SLC27A6: variants seen among roughly 807,000 people sequenced by gnomAD.
The protein encoded by SLC27A6 is long-chain fatty acid transport protein 6.
A neutral mutation model predicts 63.9 loss-of-function variants in SLC27A6; 74 were observed. That is an observed-to-expected ratio of 1.16 (90% CI 0.96 to 1.40). The LOEUF is 1.40. Among genes scored for constraint, SLC27A6 ranks in the 40% most tolerant of loss-of-function variants. The pLI is 0.00. For synonymous variants in SLC27A6, 287 were observed against 260.8 expected (o/e 1.10, Z -0.97); for missense variants, 794 against 732.9 (o/e 1.08, Z -0.96).
chr5:128,971,054 G>A (rs532435950), intron 1 of SLC27A6, among the ~76,000 whole-genome samples: 26 of 152,162 alleles, frequency 1.7e-4, no homozygotes, highest in Non-Finnish European at 3.5e-4. Context: ...CAGTTTCCAT[G>A]TAGTTGTGCG....
intron 5 of SLC27A6, among the ~76,000 whole-genome samples, chr5:129,021,772 C>G (rs1451728181): frequency 6.6e-6 from 1 of 152,162 alleles, no homozygotes; most frequent in Non-Finnish European, 1.5e-5. Flanking sequence ...CTCCAGAGTA[C>G]TTCTAGAAAA....
intron 5 of SLC27A6, among the ~76,000 whole-genome samples, chr5:129,020,819 T>C (rs1752050186): frequency 6.6e-6 from 1 of 152,048 alleles, no homozygotes; most frequent in Admixed American, 6.6e-5. Flanking sequence ...AAAACTCAGC[T>C]TATTACAGCT....
At chr5:128,993,457 A>G (rs1005190194) in intron 4 of SLC27A6, among the ~76,000 whole-genome samples, 5 of 34,856 alleles carry the variant, frequency 1.4e-4, no homozygotes, top group Admixed American at 5.9e-4. Flanking sequence ...TTTATAGACT[A>G]GAAACAAACA....
intron 1 of SLC27A6, among the ~76,000 whole-genome samples, chr5:128,982,270 T>A (rs1750621854): frequency 6.6e-6 from 1 of 152,238 alleles, no homozygotes; most frequent in South Asian, 2.1e-4. Flanking sequence ...TACACTAAAT[T>A]CTATTTGAGA....
At chr5:129,019,354 A>G (rs1448501940) in intron 5 of SLC27A6, among the ~76,000 whole-genome samples, 1 of 152,060 alleles carries the variant, frequency 6.6e-6, no homozygotes, top group Non-Finnish European at 1.5e-5. Flanking sequence ...TAAAGCTTGA[A>G]AAAAGGGAGA....
intron 4 of SLC27A6, among the ~76,000 whole-genome samples, chr5:128,991,016 C>T (rs1013695346): frequency 6.6e-6 from 1 of 152,172 alleles, no homozygotes; most frequent in Non-Finnish European, 1.5e-5. Context: ...GAAGAGTATG[C>T]AGTTGCAAGA....
intron 4 of SLC27A6, among the ~76,000 whole-genome samples, chr5:129,008,314 A>T (rs1190408065): frequency 6.6e-6 from 1 of 152,204 alleles, no homozygotes; most frequent in Non-Finnish European, 1.5e-5. Flanking sequence ...ATCCTAGTTT[A>T]GAAAATGTGA....
chr5:129,027,557 C>T (rs1213170702), intron 7 of SLC27A6, among the ~76,000 whole-genome samples: 1 of 152,046 alleles, frequency 6.6e-6, no homozygotes, highest in East Asian at 1.9e-4. Flanking sequence ...TAGAACAAAT[C>T]AGTGAGCTCC....
intron 4 of SLC27A6, among the ~76,000 whole-genome samples, chr5:128,995,546 T>C (rs148258522): frequency 4.6e-4 from 70 of 152,200 alleles, no homozygotes; most frequent in African/African-American, 1.7e-3. Flanking sequence ...GAGTAGGACA[T>C]TGCTAATTAG....
At chr5:128,987,129 C>G (rs1750816612) in intron 2 of SLC27A6, among the ~76,000 whole-genome samples, 1 of 151,880 alleles carries the variant, frequency 6.6e-6, no homozygotes, top group Non-Finnish European at 1.5e-5. Flanking sequence ...AGTCTCCCTC[C>G]CTATAAATAT....
At position 128,985,111 on chromosome 5, in the gene SLC27A6, T is replaced by G. The variant is rs1185253560; in HGVS notation, c.482-22T>G. ...TTGAGATTTAAGGTTTGCTTAACTC[T>G]TCCCAACCCTTTGGCTTTTAGATTT... On this transcript the variant is annotated intron_variant, in intron 1 of 9. Transcript: ENST00000262462. 7 of 1,594,186 alleles carry G rather than the reference T, an allele frequency of 4.4e-6. No individual in the cohort carries two copies. The Admixed American group carries it at 1.2e-4, about 27-fold the overall frequency.
rs1752182630 is a variant in SLC27A6, at chr5:129,024,810, CTT to C, written c.1255+1103_1255+1104del. Among the ~76,000 whole-genome samples, 3 of 152,200 alleles carry C rather than the reference CTT, an allele frequency of 2.0e-5. No individual in the cohort carries two copies. In the South Asian group the frequency reaches 6.2e-4, roughly 32 times the overall value. On this transcript the variant is annotated intron_variant, in intron 6 of 9. Transcript: ENST00000262462. Reference sequence around the variant, plus strand: ...GCATTTCAGAAGTGGCTTCCTAAATCTTTTCTTCAAATGTGAAGATAAGGTGA... The same window carrying C: ...GCATTTCAGAAGTGGCTTCCTAAATCTTCTTCAAATGTGAAGATAAGGTGA...
Position 129,016,521 on chromosome 5 carries a change from T to G in SLC27A6, c.1164+442T>G, listed in dbSNP as rs1389990235. Among the ~76,000 whole-genome samples, 3 of 147,826 alleles carry G rather than the reference T, an allele frequency of 2.0e-5. No homozygotes were observed. In the East Asian group the frequency reaches 6.0e-4, roughly 30 times the overall value. The stretch of plus-strand genomic sequence containing the variant: ...TTTTTAAGTTGAGAATTTCTAGAAA[T>G]AGAGTAGTGGCCTCAGTGTGAGAGA... On this transcript the variant is annotated intron_variant, in intron 5 of 9. Transcript: ENST00000262462.
chr5:129,033,581 A>G lies in SLC27A6; in HGVS notation c.*299A>G, dbSNP rs1752477448. On this transcript the variant is annotated 3_prime_UTR_variant, in exon 10 of 10. Coordinates refer to ENST00000262462, the MANE Select transcript of SLC27A6 (RefSeq NM_001017372.3). ...CGGTTTGGACAATCACTAAAAATGT[A>G]CTTTCTAATAAGTAAAATTTCTAAT... 6.3e-6 allele frequency: 1 copy of G among 159,962 alleles called. No homozygotes were observed. The highest frequency in any genetic ancestry group is 2.0e-4 in the South Asian group (1 of 4,938). 9.9% of individuals were successfully genotyped at this position (159,962 alleles called of 1,614,324 possible). A position where few individuals can be genotyped will look rare whatever the true frequency, so the allele number is the denominator to read the frequency against.
At chr5:128,979,785 A>G (rs1446508053) in intron 1 of SLC27A6, among the ~76,000 whole-genome samples, 1 of 152,244 alleles carries the variant, frequency 6.6e-6, no homozygotes, top group Admixed American at 6.5e-5. Flanking sequence ...TGTGGGAACA[A>G]CTGAGAGTGA....
rs116888414 is a variant in SLC27A6 at position 129,017,466 on chromosome 5, A to G, written c.1164+1387A>G. ...GAAAATTGGATGGAGCTCAGTAACTATCTCTATAAGTTAATTTTTAAAAGG... is the reference window on the plus strand; with the variant it reads ...GAAAATTGGATGGAGCTCAGTAACTGTCTCTATAAGTTAATTTTTAAAAGG... On this transcript the variant is annotated intron_variant, in intron 5 of 9. Coordinates refer to ENST00000262462, the MANE Select transcript of SLC27A6 (RefSeq NM_001017372.3). Among the ~76,000 whole-genome samples, 243 of 152,254 alleles carry G rather than the reference A, an allele frequency of 1.6e-3. 9 individuals are homozygous for G. The East Asian group carries it at 0.042, about 27-fold the overall frequency.
intron 4 of SLC27A6, among the ~76,000 whole-genome samples, chr5:129,011,941 A>G (rs1751740943): frequency 6.6e-6 from 1 of 152,128 alleles, no homozygotes; most frequent in Non-Finnish European, 1.5e-5. Context: ...TGTTTGCCAC[A>G]CAAATACCCT....
At chr5:129,002,472 T>C (rs901819451) in intron 4 of SLC27A6, among the ~76,000 whole-genome samples, 2 of 94,630 alleles carry the variant, frequency 2.1e-5, no homozygotes, top group African/African-American at 8.4e-5. Context: ...TTCCCTCTCT[T>C]GTTCCTTCCC....
intron 1 of SLC27A6, among the ~76,000 whole-genome samples, chr5:128,978,899 A>G (rs1186998390): frequency 1.3e-5 from 2 of 152,134 alleles, no homozygotes; most frequent in East Asian, 3.9e-4. Flanking sequence ...ACAAACACAT[A>G]TTACTGTGTT....
Sources: gnomAD v4.1 joint callset for allele counts (sites outside exome capture counted in the v4.1 genomes callset) on GRCh38, gnomAD v4.1.1 for gene constraint, MANE v1.5 for transcripts, NCBI Gene and HGNC (gene_info 2026-07-23, HGNC 2026-07-21) for gene names.